Variants in ZFP36L2 observed in about 807,000 individuals in gnomAD.
ZFP36L2 encodes mRNA decay activator protein ZFP36L2.
A neutral mutation model predicts 27.9 loss-of-function variants in ZFP36L2; 16 were observed. The observed-to-expected ratio is 0.57, with a 90% CI of 0.39 to 0.87. ZFP36L2 has a LOEUF of 0.87. ZFP36L2 is among the 40% of genes least tolerant of loss of function. ZFP36L2 has a pLI of 0.00. For synonymous variants in ZFP36L2, 600 were observed against 363.8 expected (o/e 1.65, Z -7.39); for missense variants, 989 against 726.9 (o/e 1.36, Z -4.15).
At position 43,224,252 on chromosome 2, in the gene ZFP36L2, A is replaced by G; in HGVS notation, c.*67T>C. 1 of 1,432,544 alleles carries G rather than the reference A, an allele frequency of 7.0e-7. No homozygotes were observed. Among genetic ancestry groups the G allele is most frequent in the South Asian group, 1.4e-5 (1 of 72,952 alleles). The allele number at this position is 1,432,544 out of a possible 1,614,324, so 88.7% of individuals were successfully genotyped here. A position where few individuals can be genotyped will look rare whatever the true frequency, so the allele number is the denominator to read the frequency against. On this transcript the variant is annotated 3_prime_UTR_variant, in exon 2 of 2. Coordinates refer to ENST00000282388, the MANE Select transcript of ZFP36L2 (RefSeq NM_006887.5). ...CTCCCGTGCCCCCAGCAAGGGCGAG[A>G]TGGCGAGGGGTGTCCTCCAACATCT...
rs1667112338 is a variant in ZFP36L2, at chr2:43,226,552, T to A, written c.-237A>T. 2.0e-6 allele frequency: 1 copy of A among 494,952 alleles called. No individual in the cohort carries two copies. Among genetic ancestry groups the A allele is most frequent in the Admixed American group, 4.5e-5 (1 of 22,316 alleles). 30.7% of individuals were successfully genotyped at this position (494,952 alleles called of 1,614,324 possible). The stretch of plus-strand genomic sequence containing the variant: ...AGGAGCGCTCCTCCGCGCCCCGGGG[T>A]GCCCGGCCCGCCCCCCCCGCGGAGC... On this transcript the variant is annotated 5_prime_UTR_variant, in exon 1 of 2. Coordinates refer to ENST00000282388, the MANE Select transcript of ZFP36L2 (RefSeq NM_006887.5).
rs1041806237 is a variant in ZFP36L2 at position 43,225,352 on chromosome 2, G to A, written c.452C>T (p.Ser151Phe). The change falls in exon 2 of 2, where the codon TCC (serine) becomes TTC (phenylalanine). Residue 151 changes from serine to phenylalanine, a missense_variant. By Grantham distance (155) the Ser-to-Phe change is radical (BLOSUM62 -2). Coordinates refer to ENST00000282388, the MANE Select transcript of ZFP36L2 (RefSeq NM_006887.5). Reference protein sequence around the residue: ...QKGGGGSQINSTRYKTELCRP... With the variant: ...QKGGGGSQINFTRYKTELCRP... Reference sequence around the variant, plus strand: ...GCACAGCTCGGTCTTGTAGCGCGTGGAGTTGATCTGGGAGCCGCCGCCCCC... The same window carrying A: ...GCACAGCTCGGTCTTGTAGCGCGTGAAGTTGATCTGGGAGCCGCCGCCCCC... 1.2e-6 allele frequency: 2 copies of A among 1,613,446 alleles called. No homozygotes were observed. The highest frequency in any genetic ancestry group is 1.1e-5 in the South Asian group (1 of 91,086).
rs1482873189 is a variant in ZFP36L2 at position 43,224,958 on chromosome 2, G to A, written c.846C>T (p.Ser282=). 5 of 1,571,864 alleles carry A rather than the reference G, an allele frequency of 3.2e-6. No homozygotes were observed. The highest frequency in any genetic ancestry group is 4.6e-5 in the East Asian group (2 of 43,294). ...GGLESPLLLD[S]PTSRTPPPPS... ...GCGGCGGCGGCGTGCGCGACGTGGG[G>A]CTGTCGAGCAGCAGCGGCGACTCGA... Residue 282 remains serine (S), a synonymous_variant, in exon 2 of 2, where the codon AGC becomes AGT. Transcript: ENST00000282388.
chr2:43,223,613 C>T lies in ZFP36L2; in HGVS notation c.*706G>A, dbSNP rs918088993. On this transcript the variant is annotated 3_prime_UTR_variant, in exon 2 of 2. Transcript: ENST00000282388. ...GCAGACAAAATGGTTCTAAACTGAA[C>T]ATCCACTAAGTGGTGGCAATGAAAC... 6.5e-6 allele frequency: 1 copy of T among 152,740 alleles called. No individual in the cohort carries two copies. The highest frequency in any genetic ancestry group is 1.5e-5 in the Non-Finnish European group (1 of 68,038). The allele number at this position is 152,740 out of a possible 1,614,324, so 9.5% of individuals were successfully genotyped here. A position where few individuals can be genotyped will look rare whatever the true frequency, so the allele number is the denominator to read the frequency against.
Position 43,225,209 on chromosome 2 carries a change from T to C in ZFP36L2, c.595A>G (p.Thr199Ala). 1 of 1,603,544 alleles carries C rather than the reference T, an allele frequency of 6.2e-7. No individual in the cohort carries two copies. Among genetic ancestry groups the C allele is most frequent in the Non-Finnish European group, 8.5e-7 (1 of 1,179,768 alleles). ...HPKYKTELCR[T>A]FHTIGFCPYG... is the part of the protein sequence containing the mutation. ...GGGCAGAAGCCGATGGTATGAAAGG[T>C]GCGGCACAGCTCGGTCTTGTACTTC... Residue 199 changes from threonine (T) to alanine (A), a missense_variant, in exon 2 of 2, where the codon ACC becomes GCC. Coordinates refer to ENST00000282388, the MANE Select transcript of ZFP36L2 (RefSeq NM_006887.5).
At chr2:43,226,081 G>A (rs893003895) in intron 1 of ZFP36L2, among the ~76,000 whole-genome samples, 184 bp downstream of exon 1, 5 of 152,166 alleles carry the variant, frequency 3.3e-5, no homozygotes, top group Non-Finnish European at 2.9e-5. Context: ...AAACTCAACC[G>A]CGACACCGGC....
chr2:43,224,364 G>A lies in ZFP36L2; in HGVS notation c.1440C>T (p.Gly480=). 3.2e-6 allele frequency: 5 copies of A among 1,558,532 alleles called. No individual in the cohort carries two copies. The South Asian group carries it at 3.5e-5, about 11-fold the overall frequency. The change falls in exon 2 of 2, where the codon GGC becomes GGT. Residue 480 remains glycine (G), a synonymous_variant. Transcript: ENST00000282388. ...GGCGGCTGAAGATTGGCAGGCGGCGGCCAGGGTCGAGGCTGGGAGACTCAG... is the reference window on the plus strand; with the variant it reads ...GGCGGCTGAAGATTGGCAGGCGGCGACCAGGGTCGAGGCTGGGAGACTCAG... ...SGSESPSLDP[G]RRLPIFSRLS...
In ZFP36L2 at chr2:43,222,648, G is replaced by A. The variant is rs551158188; in HGVS notation, c.*1671C>T. The A allele has an allele frequency of 6.6e-6, 1 of 152,374 alleles. No individual in the cohort carries two copies. The highest frequency in any genetic ancestry group is 2.4e-5 in the African/African-American group (1 of 41,538). 9.4% of individuals were successfully genotyped at this position (152,374 alleles called of 1,614,324 possible). On this transcript the variant is annotated 3_prime_UTR_variant, in exon 2 of 2. Transcript: ENST00000282388. ...ATCTGCTGTCCAGGAAAGCTTAGGA[G>A]ACATTCCTGCCTTTCTACATGGAAA...
rs1272501169 is a variant in ZFP36L2, at chr2:43,223,243, C to G, written c.*1076G>C. ...ATGAAATAAATATTACATACAATCT[C>G]TTAAATTAAGAATTTTGTACTCATT... On this transcript the variant is annotated 3_prime_UTR_variant, in exon 2 of 2. Coordinates refer to ENST00000282388, the MANE Select transcript of ZFP36L2 (RefSeq NM_006887.5). The G allele has an allele frequency of 1.3e-5, 2 of 152,096 alleles. No homozygotes were observed. Among genetic ancestry groups the G allele is most frequent in the African/African-American group, 4.8e-5 (2 of 41,380 alleles). 9.4% of individuals were successfully genotyped at this position (152,096 alleles called of 1,614,324 possible).
Position 43,226,479 on chromosome 2 carries a change from C to T in ZFP36L2, c.-164G>A, listed in dbSNP as rs1302954423. 4.7e-6 allele frequency: 4 copies of T among 852,036 alleles called. No individual in the cohort carries two copies. The African/African-American group carries it at 5.4e-5, about 11-fold the overall frequency. 52.8% of individuals were successfully genotyped at this position (852,036 alleles called of 1,614,324 possible). On this transcript the variant is annotated 5_prime_UTR_variant, in exon 1 of 2. Transcript: ENST00000282388. ...GAGAGGGCGAGTGCAGCGGCGCGGG[C>T]CGGCGGGAGGGTCCGGCGGAGTGCG...
Position 43,225,174 on chromosome 2 carries a change from C to T in ZFP36L2, c.630G>A (p.Pro210=). ...FHTIGFCPYG[P]RCHFIHNADE... Reference sequence around the variant, plus strand: ...CCGCGTTGTGGATGAAGTGGCAGCGCGGCCCATAGGGGCAGAAGCCGATGG... The same window carrying T: ...CCGCGTTGTGGATGAAGTGGCAGCGTGGCCCATAGGGGCAGAAGCCGATGG... Residue 210 remains proline, a synonymous_variant, in exon 2 of 2, where the codon CCG becomes CCA. Coordinates refer to ENST00000282388, the MANE Select transcript of ZFP36L2 (RefSeq NM_006887.5). 1 of 1,598,916 alleles carries T rather than the reference C, an allele frequency of 6.3e-7. No individual in the cohort carries two copies. Among genetic ancestry groups the T allele is most frequent in the Non-Finnish European group, 8.5e-7 (1 of 1,179,538 alleles).
rs186704920 is a variant in ZFP36L2 at position 43,226,425 on chromosome 2, G to A, written c.-110C>T. 2,662 of 1,420,516 alleles carry A rather than the reference G, an allele frequency of 1.9e-3. 43 individuals carry two copies. In the African/African-American group the frequency reaches 0.035, roughly 19 times the overall value. 88.0% of individuals were successfully genotyped at this position (1,420,516 alleles called of 1,614,324 possible). On this transcript the variant is annotated 5_prime_UTR_variant, in exon 1 of 2. Transcript: ENST00000282388. The stretch of plus-strand genomic sequence containing the variant: ...ACGAATAACGGGCGAGGGGCGGGGA[G>A]GGGCCGAAAGTTTGCCGGGGGGCGA...
rs112154077 is a variant in ZFP36L2 at position 43,222,924 on chromosome 2, C to CT, written c.*1394dup. The CT allele has an allele frequency of 6.6e-6, 1 of 152,270 alleles. No individual in the cohort carries two copies. Among genetic ancestry groups the CT allele is most frequent in the African/African-American group, 2.4e-5 (1 of 41,394 alleles). The allele number at this position is 152,270 out of a possible 1,614,324, so 9.4% of individuals were successfully genotyped here. The stretch of plus-strand genomic sequence containing the variant: ...AAGGCACTGTGAGACTCCCCCCCCA[C>CT]TCCCCGTTATTGCTACATGTCTTTA... On this transcript the variant is annotated 3_prime_UTR_variant, in exon 2 of 2. Coordinates refer to ENST00000282388, the MANE Select transcript of ZFP36L2 (RefSeq NM_006887.5).
Position 43,225,408 on chromosome 2 carries a change from C to T in ZFP36L2, c.396G>A (p.Gln132=), listed in dbSNP as rs1277046937. ...RSFSENGDRS[Q]HLLHLQQQQK... is the part of the protein sequence containing the mutation. ...GCTGCTGCTGCAGGTGCAGGAGGTG[C>T]TGGCTGCGATCGCCGTTCTCGCTAA... is the stretch of plus-strand genomic sequence containing the variant. Residue 132 remains glutamine, a synonymous_variant, in exon 2 of 2, where the codon CAG becomes CAA. Coordinates refer to ENST00000282388, the MANE Select transcript of ZFP36L2 (RefSeq NM_006887.5). 6.2e-7 allele frequency: 1 copy of T among 1,613,550 alleles called. No individual in the cohort carries two copies. Among genetic ancestry groups the T allele is most frequent in the Non-Finnish European group, 8.5e-7 (1 of 1,179,896 alleles).
rs763716894 is a variant in ZFP36L2 at position 43,225,486 on chromosome 2, C to A, written c.318G>T (p.Gly106=). Residue 106 remains glycine, a synonymous_variant, in exon 2 of 2, where the codon GGG becomes GGT. Coordinates refer to ENST00000282388, the MANE Select transcript of ZFP36L2 (RefSeq NM_006887.5). ...TSYGTLKEPS[G]GGGTALLNKE... is the part of the protein sequence containing the mutation. ...TGTTGAGCAGGGCTGTGCCGCCGCC[C>A]CCCGACGGCTCCTTAAGGGTGCCGT... 98 of 1,610,612 alleles carry A rather than the reference C, an allele frequency of 6.1e-5. No homozygotes were observed. Among genetic ancestry groups the A allele is most frequent in the Non-Finnish European group, 8.1e-5 (95 of 1,179,306 alleles).
chr2:43,226,153 C>T, intron 1 of ZFP36L2, 112 bp downstream of exon 1: 2 of 1,458,392 alleles, frequency 1.4e-6, no homozygotes, highest in Non-Finnish European at 1.9e-6. Flanking sequence ...AACCCCGGGA[C>T]TTTCCCGACC....
At position 43,225,142 on chromosome 2, in the gene ZFP36L2, C is replaced by T. The variant is rs1205779063; in HGVS notation, c.662G>A (p.Arg221Gln). ...RCHFIHNADERRPAPSGGASG... is the reference protein window; with the variant it reads ...RCHFIHNADEQRPAPSGGASG... ...GGCGCCCCCCGACGGCGCGGGCCGC[C>T]GCTCGTCCGCGTTGTGGATGAAGTG... Residue 221 changes from arginine (R) to glutamine (Q), a missense_variant, in exon 2 of 2, where the codon CGG becomes CAG. Physicochemically the swap from Arg to Gln is conservative, Grantham distance 43 (BLOSUM62 1). Coordinates refer to ENST00000282388, the MANE Select transcript of ZFP36L2 (RefSeq NM_006887.5). The T allele has an allele frequency of 6.3e-7, 1 of 1,590,314 alleles. No homozygotes were observed. Among genetic ancestry groups the T allele is most frequent in the Non-Finnish European group, 8.5e-7 (1 of 1,176,484 alleles).
At position 43,225,248 on chromosome 2, in the gene ZFP36L2, G is replaced by C. The variant is rs1237026011; in HGVS notation, c.556C>G (p.Leu186Val). The change falls in exon 2 of 2, where the codon CTG (leucine) becomes GTG (valine). Residue 186 changes from leucine to valine, a missense_variant. Physicochemically the swap from Leu to Val is conservative, Grantham distance 32 (BLOSUM62 1). Coordinates refer to ENST00000282388, the MANE Select transcript of ZFP36L2 (RefSeq NM_006887.5). ...FAHGFHELRS[L>V]TRHPKYKTEL... ...GTCTTGTACTTCGGATGGCGAGTCAGGCTGCGCAGCTCGTGGAAGCCATGC... is the reference window on the plus strand; with the variant it reads ...GTCTTGTACTTCGGATGGCGAGTCACGCTGCGCAGCTCGTGGAAGCCATGC... 3 of 1,609,672 alleles carry C rather than the reference G, an allele frequency of 1.9e-6. No individual in the cohort carries two copies. The highest frequency in any genetic ancestry group is 2.5e-6 in the Non-Finnish European group (3 of 1,179,960).
rs779351602 is a variant in ZFP36L2, at chr2:43,224,427, G to A, written c.1377C>T (p.Tyr459=). ...PPDSLSDRDS[Y]LSGSLSSGSL... ...TGCCGGAGCTCAGGGAGCCGCTTAG[G>A]TAGCTGTCGCGGTCCGACAGCGAGT... is the stretch of plus-strand genomic sequence containing the variant. The change falls in exon 2 of 2, where the codon TAC becomes TAT. Residue 459 remains tyrosine (Y), a synonymous_variant. Transcript: ENST00000282388. 7 of 1,547,740 alleles carry A rather than the reference G, an allele frequency of 4.5e-6. No individual in the cohort carries two copies. Among genetic ancestry groups the A allele is most frequent in the African/African-American group, 2.8e-5 (2 of 71,030 alleles).
Sources: gnomAD v4.1 joint callset for allele counts (sites outside exome capture counted in the v4.1 genomes callset) on GRCh38, gnomAD v4.1.1 for gene constraint, MANE v1.5 for transcripts, NCBI Gene and HGNC (gene_info 2026-07-23, HGNC 2026-07-21) for gene names.